RESP18: variants seen among roughly 807,000 people sequenced by gnomAD.
The protein encoded by RESP18 is regulated endocrine-specific protein 18.
A neutral mutation model predicts 30.0 loss-of-function variants in RESP18; 30 were observed. The observed-to-expected ratio is 1.00, with a 90% CI of 0.75 to 1.36. The LOEUF is 1.36. RESP18 is among the 40% of genes most tolerant of loss of function. The pLI is 0.00. For synonymous variants in RESP18, 117 were observed against 111.2 expected (o/e 1.05, Z -0.33); for missense variants, 320 against 284.2 (o/e 1.13, Z -0.91).
Position 219,332,678 on chromosome 2 carries a change from A to G in RESP18, c.78T>C (p.Ala26=), listed in dbSNP as rs1952844252. 6.4e-7 allele frequency: 1 copy of G among 1,551,044 alleles called. No homozygotes were observed. The highest frequency in any genetic ancestry group is 8.7e-7 in the Non-Finnish European group (1 of 1,146,916). The change falls in exon 2 of 7, where the codon GCT becomes GCC. Residue 26 remains alanine, a synonymous_variant. Transcript: ENST00000333527. ...TCCCCGGCCAAGTCTCAGTGAAGGTAGCGGCCACGGCCGAGGGGCTGAGCG... is the reference window on the plus strand; with the variant it reads ...TCCCCGGCCAAGTCTCAGTGAAGGTGGCGGCCACGGCCGAGGGGCTGAGCG...
Position 219,332,723 on chromosome 2 carries a change from G to T in RESP18, c.33C>A (p.Gly11=). 6.5e-7 allele frequency: 1 copy of T among 1,540,164 alleles called. No individual in the cohort carries two copies. The change falls in exon 2 of 7, where the codon GGC becomes GGA. Residue 11 remains glycine (G), a synonymous_variant. The change creates a new upstream start codon in the 5' untranslated region. Transcript: ENST00000333527. ...TGAGCGGGGCTGCAGCTTCCCACCAGCCCGCGACTCCGAATCTGTTTAACC... is the reference window on the plus strand; with the variant it reads ...TGAGCGGGGCTGCAGCTTCCCACCATCCCGCGACTCCGAATCTGTTTAACC...
intron 3 of RESP18, among the ~76,000 whole-genome samples, chr2:219,330,248 G>C (rs191272635): frequency 6.6e-6 from 1 of 152,294 alleles, no homozygotes; most frequent in African/African-American, 2.4e-5. Flanking sequence ...ACATATTAGT[G>C]TTAGCAGCAG....
At chr2:219,332,820 G>T in intron 1 of RESP18, 76 bp from the exon 1 acceptor site, 1 of 1,106,556 alleles carries the variant, frequency 9.0e-7, no homozygotes, top group Non-Finnish European at 1.3e-6. Flanking sequence ...TTCCCCTACC[G>T]CCTCCCCACC....
intron 1 of RESP18, among the ~76,000 whole-genome samples, 168 bp from the exon 1 acceptor site, chr2:219,332,912 A>G (rs1193105117): frequency 1.3e-5 from 2 of 152,118 alleles, no homozygotes; most frequent in African/African-American, 4.8e-5. Flanking sequence ...CCCAGTCCTA[A>G]GGCTGCAGAA....
intron 2 of RESP18, 79 bp from the exon 2 acceptor site, chr2:219,330,954 G>A (rs1193364198): frequency 1.2e-6 from 1 of 816,590 alleles, no homozygotes; most frequent in East Asian, 2.7e-5. Flanking sequence ...CAGCTTCCTT[G>A]TACTGTCACT....
chr2:219,332,463 A>G, intron 2 of RESP18, 61 bp downstream of exon 1: 1 of 1,298,672 alleles, frequency 7.7e-7, no homozygotes, highest in South Asian at 1.3e-5. Context: ...CCCCCTGCAG[A>G]CCCCCACTTC....
chr2:219,331,850 T>G (rs1208052828), intron 2 of RESP18, among the ~76,000 whole-genome samples: 1 of 152,194 alleles, frequency 6.6e-6, no homozygotes, highest in Non-Finnish European at 1.5e-5. Context: ...CCCACGGCCC[T>G]CATCCTCTCA....
intron 1 of RESP18, 35 bp from the exon 1 acceptor site, chr2:219,332,779 G>T (rs1164542762): frequency 6.8e-7 from 1 of 1,461,982 alleles, no homozygotes; most frequent in South Asian, 1.3e-5. Flanking sequence ...TCGTGAGCGG[G>T]CCCTGCCCCT....
intron 1 of RESP18, chr2:219,333,145 C>T (rs1380060136): frequency 3.3e-6 from 5 of 1,506,804 alleles, no homozygotes; most frequent in Admixed American, 4.0e-5. Flanking sequence ...ATATATGGCA[C>T]ATCCATCCAC....
Position 219,333,168 on chromosome 2 carries a change from C to A in RESP18, c.10G>T (p.Asp4Tyr). 6.5e-7 allele frequency: 1 copy of A among 1,540,292 alleles called. No homozygotes were observed. Among genetic ancestry groups the A allele is most frequent in the Non-Finnish European group, 8.7e-7 (1 of 1,142,866 alleles). Residue 4 changes from aspartate to tyrosine, a missense_variant, in exon 1 of 7, where the codon GAT (aspartate) becomes TAT (tyrosine). Physicochemically the swap from Asp to Tyr is radical, Grantham distance 160. Coordinates refer to ENST00000333527, the MANE Select transcript of RESP18 (RefSeq NM_001007089.4). ...CACATCCATCCACTTTACTCCACAT[C>A]CACTGCCATCGCCTTGGTCCAAACC...
chr2:219,329,003 G>A lies in RESP18; in HGVS notation c.561C>T (p.Thr187=). ...CCAGCCCCCCATATGAACACCTATA[G>A]GTAATCTGAGAGATACAGGAAATTA... Residue 187 remains threonine (T), a synonymous_variant, in exon 6 of 7, where the codon ACC becomes ACT. Transcript: ENST00000333527. 3 of 1,549,666 alleles carry A rather than the reference G, an allele frequency of 1.9e-6. No individual in the cohort carries two copies. The highest frequency in any genetic ancestry group is 2.6e-6 in the Non-Finnish European group (3 of 1,145,030).
intron 3 of RESP18, 92 bp downstream of exon 2, chr2:219,330,679 A>C (rs1431376078): frequency 5.3e-6 from 4 of 758,352 alleles, no homozygotes; most frequent in Admixed American, 2.6e-5. Flanking sequence ...ACATTTGGGG[A>C]ACAGAAAGCC....
intron 2 of RESP18, chr2:219,331,113 T>C (rs1034479742): frequency 6.9e-6 from 3 of 432,692 alleles, no homozygotes; most frequent in Non-Finnish European, 1.3e-5. Context: ...ATAACCAGAT[T>C]TACAAAGAGC....
intron 1 of RESP18, chr2:219,333,041 T>C (rs1469303770): frequency 1.1e-6 from 1 of 930,706 alleles, no homozygotes; most frequent in African/African-American, 1.6e-5. Flanking sequence ...TTATTATCCT[T>C]GACACTCTTT....
rs1193290060 is a variant in RESP18, at chr2:219,332,526, T to C, written c.230A>G (p.His77Arg). ...CACCCCCCAGGGTTCCTCCTGACCG[T>C]GGGCACTAGTGTCGCTGCAGCCCCC... is the stretch of plus-strand genomic sequence containing the variant. The change falls in exon 2 of 7, where the codon CAC (histidine) becomes CGC (arginine). Residue 77 changes from histidine to arginine, a missense_variant and splice_region_variant. By Grantham distance (29) the His-to-Arg change is conservative (BLOSUM62 0). Transcript: ENST00000333527. 6.5e-7 allele frequency: 1 copy of C among 1,550,382 alleles called. No homozygotes were observed. Among genetic ancestry groups the C allele is most frequent in the Non-Finnish European group, 8.7e-7 (1 of 1,146,612 alleles).
chr2:219,332,750 T>A lies in RESP18; in HGVS notation c.18-12A>T, dbSNP rs1263499774. The A allele has an allele frequency of 1.3e-6, 2 of 1,523,728 alleles. No individual in the cohort carries two copies. Among genetic ancestry groups the A allele is most frequent in the African/African-American group, 1.4e-5 (1 of 72,460 alleles). 94.4% of individuals were successfully genotyped at this position (1,523,728 alleles called of 1,614,324 possible). On this transcript the variant is annotated splice_polypyrimidine_tract_variant and intron_variant, in intron 1 of 6. Coordinates refer to ENST00000333527, the MANE Select transcript of RESP18 (RefSeq NM_001007089.4). Reference sequence around the variant, plus strand: ...CCGCGACTCCGAATCTGTTTAACCCTCCTCGGCAGTTCAGCCAATCGTGAG... The same window carrying A: ...CCGCGACTCCGAATCTGTTTAACCCACCTCGGCAGTTCAGCCAATCGTGAG...
chr2:219,333,122 T>TA (rs1468615328), intron 1 of RESP18: 3 of 856,452 alleles, frequency 3.5e-6, no homozygotes, highest in South Asian at 6.5e-5. Flanking sequence ...TATAATATTA[T>TA]ATATTATATA....
In RESP18 at chr2:219,332,455, C is replaced by A. The variant is rs1032954133; in HGVS notation, c.232+69G>T. On this transcript the variant is annotated intron_variant, in intron 2 of 6. Coordinates refer to ENST00000333527, the MANE Select transcript of RESP18 (RefSeq NM_001007089.4). ...TTCCAAGTTTCCTAGCCTTGAGGCC[C>A]CCTGCAGACCCCCACTTCTCAGGAT... The A allele has an allele frequency of 4.2e-6, 5 of 1,193,694 alleles. No homozygotes were observed. The African/African-American group carries it at 6.2e-5, about 15-fold the overall frequency. 73.9% of individuals were successfully genotyped at this position (1,193,694 alleles called of 1,614,324 possible).
chr2:219,328,535 G>T (rs1202228843), intron 6 of RESP18, among the ~76,000 whole-genome samples: 1 of 152,208 alleles, frequency 6.6e-6, no homozygotes, highest in African/African-American at 2.4e-5. Context: ...CAGGGACTAT[G>T]CAGGGGGAAA....
Sources: gnomAD v4.1 joint callset for allele counts (sites outside exome capture counted in the v4.1 genomes callset) on GRCh38, gnomAD v4.1.1 for gene constraint, MANE v1.5 for transcripts, NCBI Gene and HGNC (gene_info 2026-07-23, HGNC 2026-07-21) for gene names.